Variants in CCDC73 observed in about 807,000 individuals in gnomAD.
CCDC73 encodes coiled-coil domain containing 73, also known as coiled-coil domain-containing protein 73.
A neutral mutation model predicts 116.5 loss-of-function variants in CCDC73; 95 were observed. The observed-to-expected ratio is 0.82, with a 90% CI of 0.69 to 0.97. CCDC73 has a LOEUF of 0.97. Among genes scored for constraint, CCDC73 ranks in the 50% least tolerant of loss-of-function variants. The pLI, the probability that CCDC73 is intolerant of heterozygous loss-of-function variation, is 0.00. For missense variants in CCDC73, 1,066 were observed against 1,206.8 expected, an observed-to-expected ratio of 0.88 and a Z score of 1.73; for synonymous variants, 398 against 401.3, an observed-to-expected ratio of 0.99 and a Z score of 0.10.
At chr11:32,657,482 A>T (rs768164349) in intron 9 of CCDC73, among the ~76,000 whole-genome samples, 1 of 152,150 alleles carries the variant, frequency 6.6e-6, no homozygotes, top group East Asian at 1.9e-4. Flanking sequence ...GGCCTTGAAG[A>T]ATGAGTAGTA....
At chr11:32,646,003 T>C (rs1042830373) in intron 12 of CCDC73, among the ~76,000 whole-genome samples, 1 of 152,214 alleles carries the variant, frequency 6.6e-6, no homozygotes. Flanking sequence ...ATTGATAACA[T>C]ACTGTATTTT....
intron 1 of CCDC73, among the ~76,000 whole-genome samples, chr11:32,776,585 T>C (rs1850533972): frequency 6.6e-6 from 1 of 152,138 alleles, no homozygotes; most frequent in East Asian, 1.9e-4. Flanking sequence ...TATGCCCATT[T>C]CAAGGCCTCT....
chr11:32,809,416 G>A, the CCDC73 span, among the ~76,000 whole-genome samples: 1 of 152,184 alleles, frequency 6.6e-6, no homozygotes, highest in Non-Finnish European at 1.5e-5. Flanking sequence ...GACGCTAGGG[G>A]GCGGAGAGGG....
At chr11:32,710,565 G>T (rs986845557) in intron 3 of CCDC73, among the ~76,000 whole-genome samples, 1 of 151,888 alleles carries the variant, frequency 6.6e-6, no homozygotes, top group African/African-American at 2.4e-5. Flanking sequence ...ATATAATTTT[G>T]ATTTTCTTAA....
At chr11:32,611,470 C>T (rs1339882722) in intron 16 of CCDC73, among the ~76,000 whole-genome samples, 3 of 152,180 alleles carry the variant, frequency 2.0e-5, no homozygotes, top group African/African-American at 7.2e-5. Flanking sequence ...ATTATTGCTA[C>T]TTTCTAAAAC....
chr11:32,755,695 GTA>G (rs1263807186), intron 2 of CCDC73, among the ~76,000 whole-genome samples: 1 of 26,962 alleles, frequency 3.7e-5, no homozygotes, highest in Non-Finnish European at 6.4e-5. Flanking sequence ...ATATATATGT[GTA>G]TATATATATC....
chr11:32,689,004 T>G (rs775276907), intron 6 of CCDC73, among the ~76,000 whole-genome samples: 12 of 152,134 alleles, frequency 7.9e-5, no homozygotes, highest in Non-Finnish European at 1.3e-4. Flanking sequence ...AATATCCATG[T>G]GGGCACAAAG....
intron 2 of CCDC73, among the ~76,000 whole-genome samples, chr11:32,728,612 G>A (rs55758816): frequency 0.16 from 23,784 of 151,946 alleles, 1,989 homozygotes; most frequent in South Asian, 0.27. Context: ...ATGTATATAC[G>A]CTAACCCATG....
intron 6 of CCDC73, among the ~76,000 whole-genome samples, chr11:32,684,008 A>G (rs1856171568): frequency 6.6e-6 from 1 of 152,020 alleles, no homozygotes; most frequent in Non-Finnish European, 1.5e-5. Flanking sequence ...CACAATCCAC[A>G]GATAACAGTC....
intron 1 of CCDC73, among the ~76,000 whole-genome samples, chr11:32,782,455 G>T (rs1395245096): frequency 6.6e-6 from 1 of 152,138 alleles, no homozygotes. Context: ...TTCTAGTCAG[G>T]TAACCCTAAG....
At chr11:32,691,919 G>A (rs1856262634) in intron 6 of CCDC73, among the ~76,000 whole-genome samples, 1 of 151,900 alleles carries the variant, frequency 6.6e-6, no homozygotes, top group Admixed American at 6.6e-5. Context: ...GTGGTGGCAG[G>A]TGCCTGTAGT....
chr11:32,648,496 G>T (rs1025307870), intron 12 of CCDC73, among the ~76,000 whole-genome samples: 6 of 151,418 alleles, frequency 4.0e-5, no homozygotes, highest in African/African-American at 1.5e-4. Flanking sequence ...GCCAGACACT[G>T]TTTTAGCTTT....
At chr11:32,678,882 C>CAAAAA (rs55859897) in intron 7 of CCDC73, among the ~76,000 whole-genome samples, 1 of 131,304 alleles carries the variant, frequency 7.6e-6, no homozygotes, top group South Asian at 2.4e-4. Context: ...GGCTCCGTCA[C>CAAAAA]AAAAAAAAAA....
chr11:32,662,834 G>A (rs1041087815), intron 9 of CCDC73, among the ~76,000 whole-genome samples: 15 of 152,124 alleles, frequency 9.9e-5, no homozygotes, highest in African/African-American at 3.4e-4. Flanking sequence ...TAACATTTAA[G>A]TCTTTAATCC....
intron 9 of CCDC73, among the ~76,000 whole-genome samples, chr11:32,667,273 G>GAGGC (rs757839632): frequency 2.0e-5 from 3 of 149,880 alleles, no homozygotes; most frequent in Non-Finnish European, 4.5e-5. Context: ...GGAGTCTACA[G>GAGGC]AGGCAGGCAG....
intron 2 of CCDC73, among the ~76,000 whole-genome samples, chr11:32,732,082 T>C (rs1406592013): frequency 1.3e-5 from 2 of 152,156 alleles, no homozygotes; most frequent in South Asian, 2.1e-4. Context: ...AATGACCTGA[T>C]GGAGCAGAAA....
intron 6 of CCDC73, 80 bp from the exon 7 acceptor site, chr11:32,683,654 T>C (rs1309134805): frequency 2.4e-6 from 2 of 828,998 alleles, no homozygotes; most frequent in African/African-American, 1.7e-5. Flanking sequence ...AAGTGCGTGC[T>C]ATAAAATGTG....
At chr11:32,678,142 G>A (rs1450695463) in intron 7 of CCDC73, among the ~76,000 whole-genome samples, 1 of 151,866 alleles carries the variant, frequency 6.6e-6, no homozygotes, top group African/African-American at 2.4e-5. Context: ...AGCCAGATGT[G>A]GCAGCGGGCA....
chr11:32,641,857 T>C, intron 13 of CCDC73, 115 bp downstream of exon 13: 1 of 813,030 alleles, frequency 1.2e-6, no homozygotes, highest in Non-Finnish European at 1.7e-6. Context: ...AAGAAAAAAA[T>C]GTGTCTGATT....
Sources: gnomAD v4.1 joint callset for allele counts (sites outside exome capture counted in the v4.1 genomes callset) on GRCh38, gnomAD v4.1.1 for gene constraint, MANE v1.5 for transcripts, NCBI Gene and HGNC (gene_info 2026-07-23, HGNC 2026-07-21) for gene names.